SIAE: variants seen among roughly 807,000 people sequenced by gnomAD.
SIAE encodes sialic acid acetylesterase.
SIAE carries 39 observed loss-of-function variants against 52.6 expected under a neutral mutation model. The ratio of observed to expected loss-of-function variants is 0.74; its 90% confidence interval spans 0.57 to 0.97. The LOEUF (loss-of-function observed/expected upper bound fraction) is 0.97, where lower values mean the gene tolerates loss of function less well. Among genes scored for constraint, SIAE ranks in the 50% least tolerant of loss-of-function variants. The pLI is 0.00. For missense variants in SIAE, 592 were observed against 662.1 expected (o/e 0.89, Z 1.16); for synonymous variants, 233 against 241.4 (o/e 0.97, Z 0.32).
intron 2 of SIAE, among the ~76,000 whole-genome samples, chr11:124,666,570 A>G (rs1345641240): frequency 6.6e-6 from 1 of 151,994 alleles, no homozygotes; most frequent in Non-Finnish European, 1.5e-5. Flanking sequence ...AATAACATCA[A>G]CCTCTTTTCC....
At chr11:124,640,249 C>T (rs1361287711) in intron 7 of SIAE, among the ~76,000 whole-genome samples, 1 of 152,210 alleles carries the variant, frequency 6.6e-6, no homozygotes, top group African/African-American at 2.4e-5. Context: ...CATGTAAACA[C>T]CATCCAGTTA....
At chr11:124,637,337 G>A in intron 9 of SIAE, 135 bp from the exon 10 acceptor site, 1 of 1,227,704 alleles carries the variant, frequency 8.1e-7, no homozygotes, top group Non-Finnish European at 1.2e-6. Flanking sequence ...ACAGTAAGCA[G>A]AACAAACCTG....
At chr11:124,655,972 A>G (rs1373215247) in intron 3 of SIAE, among the ~76,000 whole-genome samples, 1 of 151,202 alleles carries the variant, frequency 6.6e-6, no homozygotes, top group African/African-American at 2.5e-5. Context: ...CCACACATAA[A>G]TACTTCAGAC....
upstream of SIAE, chr11:124,674,414 C>A (rs1057335029): frequency 2.6e-5 from 4 of 152,206 alleles, no homozygotes; most frequent in African/African-American, 4.8e-5. Context: ...ATTAAACCGT[C>A]CAGTTCTCCC....
Position 124,633,191 on chromosome 11 carries a change from A to G in SIAE, c.*3760T>C, listed in dbSNP as rs936476074. 6.6e-6 allele frequency: 1 copy of G among 152,218 alleles called. No homozygotes were observed. The highest frequency in any genetic ancestry group is 6.5e-5 in the Admixed American group (1 of 15,290). The allele number at this position is 152,218 out of a possible 1,614,324, so 9.4% of individuals were successfully genotyped here. ...TAGCTCAGTACACTGAAACCATATG[A>G]TAACACAAATTCACATATAATTGGG... On this transcript the variant is annotated 3_prime_UTR_variant, in exon 10 of 10. Transcript: ENST00000263593.
chr11:124,669,196 G>C (rs774880023), intron 2 of SIAE, among the ~76,000 whole-genome samples, 164 bp downstream of exon 2: 3 of 152,192 alleles, frequency 2.0e-5, no homozygotes, highest in Non-Finnish European at 4.4e-5. Context: ...TGTATCCTCA[G>C]TGCCTAAGCA....
In SIAE at chr11:124,636,969, C is replaced by T. The variant is rs1009903248; in HGVS notation, c.1554G>A (p.Gln518=). ...GAAACAGTCATTTAGCAACATTGCT[C>T]TGATGTCCAGGACCCTGGTCTGTAA... ...AFITDQGPGH[Q]SNVAK is the part of the protein sequence containing the mutation. The change falls in exon 10 of 10, where the codon CAG becomes CAA. Residue 518 remains glutamine (Q), a synonymous_variant. Coordinates refer to ENST00000263593, the MANE Select transcript of SIAE (RefSeq NM_170601.5). 2 of 1,614,078 alleles carry T rather than the reference C, an allele frequency of 1.2e-6. No homozygotes were observed. Among genetic ancestry groups the T allele is most frequent in the African/African-American group, 2.7e-5 (2 of 74,928 alleles).
At chr11:124,651,344 G>A (rs879649331) in intron 4 of SIAE, among the ~76,000 whole-genome samples, 25 of 151,986 alleles carry the variant, frequency 1.6e-4, no homozygotes, top group Admixed American at 7.9e-4. Flanking sequence ...TCAGGAGTTC[G>A]AGACCAGCCT....
chr11:124,651,479 C>T (rs1222321541), intron 4 of SIAE, among the ~76,000 whole-genome samples: 3 of 149,270 alleles, frequency 2.0e-5, no homozygotes, highest in African/African-American at 7.4e-5. Flanking sequence ...ACCTGGGAGG[C>T]GGAGGTTGCA....
chr11:124,636,815 C>G lies in SIAE; in HGVS notation c.*136G>C. On this transcript the variant is annotated 3_prime_UTR_variant, in exon 10 of 10. Transcript: ENST00000263593. ...TGGGCTCATCAGAATATAGAAACAG[C>G]CATGTGCTAGCTGAAAGCCATTCAA... 1 of 1,244,436 alleles carries G rather than the reference C, an allele frequency of 8.0e-7. No homozygotes were observed. Among genetic ancestry groups the G allele is most frequent in the Non-Finnish European group, 1.2e-6 (1 of 855,982 alleles). The allele number at this position is 1,244,436 out of a possible 1,614,324, so 77.1% of individuals were successfully genotyped here.
rs140707919 is a variant in SIAE, at chr11:124,670,357, G to A, written c.68-836C>T. The stretch of plus-strand genomic sequence containing the variant: ...AGACTGAATAAGAACTCGCTTTAAC[G>A]ACATCATTCCTATTTTTAACATCCA... On this transcript the variant is annotated intron_variant, in intron 1 of 9. Transcript: ENST00000263593. The surrounding 1 kb of genome is among the most constrained non-coding windows in gnomAD (Gnocchi z 4.5). 2.6e-4 allele frequency among the ~76,000 whole-genome samples: 40 copies of A among 152,192 alleles called. No individual in the cohort carries two copies. Among genetic ancestry groups the A allele is most frequent in the Admixed American group, 1.1e-3 (17 of 15,298 alleles).
chr11:124,640,157 G>T (rs1053936155), intron 7 of SIAE, among the ~76,000 whole-genome samples: 3 of 152,136 alleles, frequency 2.0e-5, no homozygotes, highest in Non-Finnish European at 4.4e-5. Context: ...GAATGCAGGA[G>T]AATTGATGTT....
intron 1 of SIAE, among the ~76,000 whole-genome samples, chr11:124,671,558 G>A (rs932822205): frequency 5.9e-5 from 9 of 152,208 alleles, no homozygotes; most frequent in South Asian, 2.1e-4. Context: ...CCACTTTGCC[G>A]AAATTAGATA....
At chr11:124,666,155 C>CT (rs1943271296) in intron 2 of SIAE, among the ~76,000 whole-genome samples, 1 of 152,176 alleles carries the variant, frequency 6.6e-6, no homozygotes, top group Non-Finnish European at 1.5e-5. Flanking sequence ...TTCCCAATGT[C>CT]TAAGTGTCAG....
At chr11:124,654,903 A>G in intron 3 of SIAE, 110 bp from the exon 4 acceptor site, 1 of 1,320,346 alleles carries the variant, frequency 7.6e-7, no homozygotes, top group Non-Finnish European at 1.1e-6. Context: ...TACTGAGATC[A>G]AATTAATAAC....
At position 124,636,617 on chromosome 11, in the gene SIAE, T is replaced by G. The variant is rs1193418326; in HGVS notation, c.*334A>C. On this transcript the variant is annotated 3_prime_UTR_variant, in exon 10 of 10. Transcript: ENST00000263593. ...TTTAAAATCTCTTCCAATCCTGAGA[T>G]TCCCACAACTCTGGATAAAAAGGGG... is the stretch of plus-strand genomic sequence containing the variant. The G allele has an allele frequency of 2.0e-5, 6 of 299,448 alleles. No individual in the cohort carries two copies. The highest frequency in any genetic ancestry group is 4.4e-5 in the African/African-American group (1 of 22,852). 18.5% of individuals were successfully genotyped at this position (299,448 alleles called of 1,614,324 possible).
At position 124,669,535 on chromosome 11, in the gene SIAE, C is replaced by G. The variant is rs757425963; in HGVS notation, c.68-14G>C. 1.9e-6 allele frequency: 3 copies of G among 1,611,526 alleles called. No individual in the cohort carries two copies. Among genetic ancestry groups the G allele is most frequent in the Non-Finnish European group, 2.5e-6 (3 of 1,179,424 alleles). ...GAAAACCAATACCTAAAAAATTTAA[C>G]AAACACTGAGGGAAGCATCATCGGA... On this transcript the variant is annotated splice_polypyrimidine_tract_variant and intron_variant, in intron 1 of 9. Coordinates refer to ENST00000263593, the MANE Select transcript of SIAE (RefSeq NM_170601.5).
At chr11:124,659,015 ATTAACAC>A (rs1412133815) in intron 3 of SIAE, 1 of 152,228 alleles carries the variant, frequency 6.6e-6, no homozygotes, top group Non-Finnish European at 1.5e-5. Context: ...AAAAATAAAT[ATTAACAC>A]TTGGATGTTT....
rs1190052760 is a variant in SIAE at position 124,670,092 on chromosome 11, A to C, written c.68-571T>G. Among the ~76,000 whole-genome samples the C allele has an allele frequency of 6.6e-6, 1 of 152,194 alleles. No individual in the cohort carries two copies. The highest frequency in any genetic ancestry group is 1.9e-4 in the East Asian group (1 of 5,198). ...CCTTATCATGGTTTTTTGACAACCC[A>C]GTGTACTGCATCAAAAATTCTAAAT... On this transcript the variant is annotated intron_variant, in intron 1 of 9. Transcript: ENST00000263593. The surrounding 1 kb of genome is among the most constrained non-coding windows in gnomAD (Gnocchi z 4.5).
Sources: allele counts gnomAD v4.1 joint callset (sites outside exome capture counted in the v4.1 genomes callset), GRCh38; gene constraint gnomAD v4.1.1; non-coding constraint Gnocchi (gnomAD v3.1); transcripts MANE v1.5; gene names NCBI Gene and HGNC (gene_info 2026-07-23, HGNC 2026-07-21).